EXT1: variants seen among roughly 807,000 people sequenced by gnomAD.
EXT1 encodes the protein exostosin glycosyltransferase 1.
EXT1 carries 20 observed loss-of-function variants against 82.5 expected under a neutral mutation model. The observed-to-expected ratio is 0.24, with a 90% CI of 0.17 to 0.35. The LOEUF is 0.35. EXT1 is among the 10% of genes least tolerant of loss of function. The pLI, the probability that EXT1 is intolerant of heterozygous loss-of-function variation, is 1.00. For missense variants in EXT1, 757 were observed against 936.5 expected, an observed-to-expected ratio of 0.81 and a Z score of 2.50; for synonymous variants, 348 against 350.8, an observed-to-expected ratio of 0.99 and a Z score of 0.09.
chr8:118,108,689 T>G (rs190041418), intron 1 of EXT1, among the ~76,000 whole-genome samples: 1 of 152,240 alleles, frequency 6.6e-6, no homozygotes, highest in East Asian at 1.9e-4. Flanking sequence ...TCTCCTTCAC[T>G]CTCTATGATC....
intron 1 of EXT1, among the ~76,000 whole-genome samples, chr8:118,009,234 C>A (rs936872241): frequency 6.6e-6 from 1 of 152,206 alleles, no homozygotes; most frequent in Non-Finnish European, 1.5e-5. Flanking sequence ...GACTAACATT[C>A]TCCTCTGTTG....
At chr8:118,002,767 C>T (rs1014263611) in intron 1 of EXT1, among the ~76,000 whole-genome samples, 1 of 152,022 alleles carries the variant, frequency 6.6e-6, no homozygotes, top group East Asian at 1.9e-4. Context: ...TTCCTGAACT[C>T]GTGATCCACC....
chr8:118,104,631 C>T (rs6991511), intron 1 of EXT1, among the ~76,000 whole-genome samples: 80,474 of 152,006 alleles, frequency 0.53, 23,207 homozygotes, highest in Middle Eastern at 0.67. Context: ...ATGCTTGAGA[C>T]CAAAAGTGTT....
intron 1 of EXT1, among the ~76,000 whole-genome samples, chr8:118,085,790 G>A (rs1432552604): frequency 1.3e-5 from 2 of 151,402 alleles, no homozygotes; most frequent in East Asian, 3.9e-4. Context: ...CCTTGAAAAA[G>A]AAAAGCTTAA....
chr8:118,111,014 G>A lies in EXT1; in HGVS notation c.33C>T (p.Leu11=), dbSNP rs749776696. The A allele has an allele frequency of 1.2e-6, 2 of 1,602,900 alleles. No individual in the cohort carries two copies. Among genetic ancestry groups the A allele is most frequent in the African/African-American group, 2.7e-5 (2 of 75,030 alleles). MQAKKRYFIL[L]SAGSCLALLF... is the part of the protein sequence containing the mutation. ...AAAGGGCGAGACAAGAGCCAGCTGA[G>A]AGCAGGATGAAATAGCGTTTTTTGG... is the stretch of plus-strand genomic sequence containing the variant. The change falls in exon 1 of 11, where the codon CTC becomes CTT. Residue 11 remains leucine, a synonymous_variant. Transcript: ENST00000378204.
intron 1 of EXT1, among the ~76,000 whole-genome samples, chr8:117,900,306 T>G (rs543012311): frequency 8.5e-5 from 13 of 152,322 alleles, no homozygotes; most frequent in African/African-American, 3.1e-4. Context: ...TGGGATTTTA[T>G]ACACACCACC....
intron 1 of EXT1, among the ~76,000 whole-genome samples, chr8:117,926,864 G>A (rs1372044595): frequency 6.6e-6 from 1 of 152,190 alleles, no homozygotes; most frequent in Non-Finnish European, 1.5e-5. Context: ...TGCACTGCCA[G>A]TGTCTCTTGG....
At chr8:117,857,874 C>T (rs1476982005) in intron 1 of EXT1, among the ~76,000 whole-genome samples, 2 of 152,196 alleles carry the variant, frequency 1.3e-5, no homozygotes, top group African/African-American at 4.8e-5. Context: ...ATTCATAATT[C>T]ATGGGAGAAG....
Position 117,824,600 on chromosome 8 carries a change from T to C in EXT1, c.1285-2003A>G, listed in dbSNP as rs187222576. On this transcript the variant is annotated intron_variant, in intron 4 of 10. Transcript: ENST00000378204. ...TTAAGAATAGCTGCCTAAGTTGTTA[T>C]ACTTAAGGCTTGATTTTTGCCTTTA... Among the ~76,000 whole-genome samples the C allele has an allele frequency of 1.1e-3, 160 of 152,334 alleles. 3 individuals are homozygous for C. The highest frequency in any genetic ancestry group is 9.2e-3 in the Admixed American group (140 of 15,296).
In EXT1 at chr8:117,999,934, GTATA is replaced by G. The variant is rs147547390; in HGVS notation, c.962+110147_962+110150del. Among the ~76,000 whole-genome samples, 3 of 148,724 alleles carry G rather than the reference GTATA, an allele frequency of 2.0e-5. No homozygotes were observed. The Admixed American group carries it at 2.0e-4, about 10-fold the overall frequency. ...GATTTTTCACTACTTATTTCTGAGT[GTATA>G]TATATATATATGTATGTGCGTGTAT... On this transcript the variant is annotated intron_variant, in intron 1 of 10. Transcript: ENST00000378204.
intron 1 of EXT1, among the ~76,000 whole-genome samples, chr8:118,086,416 C>T (rs1345950835): frequency 2.0e-5 from 3 of 152,184 alleles, no homozygotes; most frequent in Non-Finnish European, 4.4e-5. Flanking sequence ...TGGCCTTCCA[C>T]ACATAAAGGA....
At chr8:118,054,991 T>C (rs960598227) in intron 1 of EXT1, among the ~76,000 whole-genome samples, 40 of 152,172 alleles carry the variant, frequency 2.6e-4, no homozygotes, top group Admixed American at 1.5e-3. Flanking sequence ...AACAGCTTTA[T>C]GGAGCTATAA....
intron 1 of EXT1, among the ~76,000 whole-genome samples, chr8:117,869,612 T>A (rs1344362824): frequency 6.6e-6 from 1 of 151,278 alleles, no homozygotes; most frequent in Non-Finnish European, 1.5e-5. Flanking sequence ...CAAAGTTCAT[T>A]CTCAATATAA....
chr8:118,084,374 T>C (rs1047989398), intron 1 of EXT1, among the ~76,000 whole-genome samples: 5 of 152,202 alleles, frequency 3.3e-5, no homozygotes, highest in African/African-American at 1.2e-4. Context: ...TGTACTACCA[T>C]AGTACTTGTC....
chr8:117,878,083 G>A (rs1813001428), intron 1 of EXT1, among the ~76,000 whole-genome samples: 2 of 152,128 alleles, frequency 1.3e-5, no homozygotes, highest in South Asian at 4.1e-4. Flanking sequence ...GACCAGCCTG[G>A]CCAACATGGT....
At chr8:118,081,259 C>G (rs1817323149) in intron 1 of EXT1, among the ~76,000 whole-genome samples, 2 of 152,192 alleles carry the variant, frequency 1.3e-5, no homozygotes, top group Admixed American at 6.5e-5. Flanking sequence ...CAGATTCCAA[C>G]TGATTTTTAA....
intron 1 of EXT1, among the ~76,000 whole-genome samples, chr8:118,073,550 C>T (rs1442272854): frequency 6.6e-6 from 1 of 151,956 alleles, no homozygotes; most frequent in Non-Finnish European, 1.5e-5. Flanking sequence ...GAGCCTGGGA[C>T]GCAGAGGTTG....
intron 1 of EXT1, among the ~76,000 whole-genome samples, chr8:118,011,285 G>A (rs1815894329): frequency 6.6e-6 from 1 of 152,170 alleles, no homozygotes; most frequent in Non-Finnish European, 1.5e-5. Flanking sequence ...AAAGAGGCAG[G>A]ACTCGTGTCT....
chr8:118,070,226 CTGTGTGTGTGTGTGTGTGTGTGTGTGTG>C (rs36229782), intron 1 of EXT1, among the ~76,000 whole-genome samples: 2 of 133,440 alleles, frequency 1.5e-5, no homozygotes, highest in Admixed American at 7.7e-5. Flanking sequence ...TCATAAATTT[CTGTGTGTGTGTGTGTGTGTGTGTGTGTG>C]TGTGTGTGTG....
Sources: gnomAD v4.1 joint callset for allele counts (sites outside exome capture counted in the v4.1 genomes callset) on GRCh38, gnomAD v4.1.1 for gene constraint, MANE v1.5 for transcripts, NCBI Gene and HGNC (gene_info 2026-07-23, HGNC 2026-07-21) for gene names.